RAD54L2: variants seen among roughly 807,000 people sequenced by gnomAD.
The protein encoded by RAD54L2 is RAD54 like 2, also known as helicase ARIP4.
In RAD54L2, 27 loss-of-function variants were observed where a neutral mutation model predicts 138.4. The ratio of observed to expected loss-of-function variants is 0.20; its 90% CI spans 0.14 to 0.27. The LOEUF (loss-of-function observed/expected upper bound fraction) is 0.27, where lower values mean the gene tolerates loss of function less well. Among genes scored for constraint, RAD54L2 ranks in the 10% least tolerant of loss-of-function variants. The pLI, the probability that RAD54L2 is intolerant of heterozygous loss-of-function variation, is 1.00. For missense variants in RAD54L2, 1,396 were observed against 1,890.2 expected, an observed-to-expected ratio of 0.74 and a Z score of 4.85; for synonymous variants, 644 against 723.2, an observed-to-expected ratio of 0.89 and a Z score of 1.76.
At chr3:51,656,979 C>T (rs2106847935) in intron 20 of RAD54L2, among the ~76,000 whole-genome samples, 2 of 152,242 alleles carry the variant, frequency 1.3e-5, no homozygotes, top group African/African-American at 4.8e-5. Context: ...TCAGGCAATC[C>T]ACCCGCCTTG....
rs551392488 is a variant in RAD54L2, at chr3:51,554,636, A to G, written c.-55+12986A>G. ...TCTGCAAAGCCATCGTTTGTGGTGGAAAATTTGCATCTGTAAAGAATCTCT... is the reference window on the plus strand; with the variant it reads ...TCTGCAAAGCCATCGTTTGTGGTGGGAAATTTGCATCTGTAAAGAATCTCT... On this transcript the variant is annotated intron_variant, in intron 2 of 22. Transcript: ENST00000684192. Among the ~76,000 whole-genome samples the G allele has an allele frequency of 2.0e-5, 3 of 152,304 alleles. No homozygotes were observed. The South Asian group carries it at 6.2e-4, about 32-fold the overall frequency.
intron 3 of RAD54L2, among the ~76,000 whole-genome samples, chr3:51,602,427 C>T (rs1201209177): frequency 7.2e-5 from 11 of 152,164 alleles, no homozygotes; most frequent in Admixed American, 7.2e-4. Flanking sequence ...CGTGACTACT[C>T]TCCAGCCCAC....
chr3:51,583,654 C>G lies in RAD54L2; in HGVS notation c.-54-6713C>G, dbSNP rs756237946. ...GTTAGTCAGGCTGATCTTGAACTCCCGACCTCAGGTGATCTGCCCGCCTCG... is the reference window on the plus strand; with the variant it reads ...GTTAGTCAGGCTGATCTTGAACTCCGGACCTCAGGTGATCTGCCCGCCTCG... On this transcript the variant is annotated intron_variant, in intron 2 of 22. Coordinates refer to ENST00000684192, the MANE Select transcript of RAD54L2 (RefSeq NM_015106.4). Among the ~76,000 whole-genome samples the G allele has an allele frequency of 1.0e-4, 15 of 150,362 alleles. 1 individual carries two copies. Among genetic ancestry groups the G allele is most frequent in the Non-Finnish European group, 1.8e-4 (12 of 67,656 alleles).
At chr3:51,648,113 G>C (rs920483934) in intron 19 of RAD54L2, among the ~76,000 whole-genome samples, 1 of 152,168 alleles carries the variant, frequency 6.6e-6, no homozygotes, top group Admixed American at 6.5e-5. Context: ...CTTTTCCAAC[G>C]GTCTTAGCAA....
At chr3:51,555,420 A>G (rs550820069) in intron 2 of RAD54L2, among the ~76,000 whole-genome samples, 68 of 151,830 alleles carry the variant, frequency 4.5e-4, no homozygotes, top group Non-Finnish European at 8.7e-4. Context: ...GGAGACCAGC[A>G]TGGCCAATAT....
chr3:51,626,720 C>T (rs767302935), intron 3 of RAD54L2, among the ~76,000 whole-genome samples: 3 of 151,984 alleles, frequency 2.0e-5, no homozygotes, highest in African/African-American at 4.8e-5. Flanking sequence ...GTTGGGATTA[C>T]AGGCATGAGC....
At chr3:51,547,137 A>G (rs1313971038) in intron 2 of RAD54L2, among the ~76,000 whole-genome samples, 1 of 152,144 alleles carries the variant, frequency 6.6e-6, no homozygotes, top group Non-Finnish European at 1.5e-5. Context: ...GCTTGACCCC[A>G]GGAGTTTAAG....
chr3:51,551,349 T>C (rs1698832251), intron 2 of RAD54L2, among the ~76,000 whole-genome samples: 1 of 152,062 alleles, frequency 6.6e-6, no homozygotes, highest in African/African-American at 2.4e-5. Flanking sequence ...CCCAGGCTGG[T>C]CTTGAACTCC....
intron 2 of RAD54L2, among the ~76,000 whole-genome samples, chr3:51,556,324 G>A (rs541323922): frequency 2.6e-5 from 4 of 152,106 alleles, no homozygotes; most frequent in Non-Finnish European, 5.9e-5. Context: ...CACCCAGGCT[G>A]TAGTGCAGTG....
At chr3:51,660,772 C>T (rs747391049) in intron 22 of RAD54L2, among the ~76,000 whole-genome samples, 8 of 151,772 alleles carry the variant, frequency 5.3e-5, no homozygotes, top group African/African-American at 7.3e-5. Context: ...CAGAAGCATG[C>T]CACCACGCCC....
chr3:51,626,854 T>C (rs1439127705), intron 3 of RAD54L2, among the ~76,000 whole-genome samples: 1 of 152,168 alleles, frequency 6.6e-6, no homozygotes, highest in Non-Finnish European at 1.5e-5. Context: ...TGTATTAGTA[T>C]CTTTCAAATT....
intron 2 of RAD54L2, among the ~76,000 whole-genome samples, chr3:51,568,487 C>A (rs776292254): frequency 1.3e-5 from 2 of 152,058 alleles, no homozygotes; most frequent in African/African-American, 2.4e-5. Flanking sequence ...GAGTCTTTGT[C>A]CTTGAGATTT....
At chr3:51,646,583 A>C (rs1389182833) in intron 19 of RAD54L2, 102 bp downstream of exon 19, 18 of 1,211,106 alleles carry the variant, frequency 1.5e-5, no homozygotes, top group Non-Finnish European at 2.0e-5. Context: ...TTGTTCCTTG[A>C]CTGCTGTGAA....
At chr3:51,629,056 C>A (rs111501518) in intron 4 of RAD54L2, among the ~76,000 whole-genome samples, 4,389 of 152,170 alleles carry the variant, frequency 0.029, 92 homozygotes, top group Non-Finnish European at 0.039. Context: ...CTTTGTGAAT[C>A]AAATATTACT....
Position 51,590,635 on chromosome 3 carries a change from G to A in RAD54L2, c.139+76G>A, listed in dbSNP as rs201077296. On this transcript the variant is annotated intron_variant, in intron 3 of 22. Transcript: ENST00000684192. The stretch of plus-strand genomic sequence containing the variant: ...GGAATTTTTGCTGGGAGACCTTGGC[G>A]TTTCCAGTTAGATTTCTTAGGCCAT... 240 of 1,547,418 alleles carry A rather than the reference G, an allele frequency of 1.6e-4. 1 individual carries two copies. Among genetic ancestry groups the A allele is most frequent in the Middle Eastern group, 5.0e-4 (3 of 5,986 alleles).
chr3:51,562,265 CTT>C (rs1221511315), intron 2 of RAD54L2, among the ~76,000 whole-genome samples: 1 of 142,786 alleles, frequency 7.0e-6, no homozygotes, highest in Non-Finnish European at 1.5e-5. Flanking sequence ...GAGTCTTGCT[CTT>C]GTTGCCCAGG....
intron 15 of RAD54L2, among the ~76,000 whole-genome samples, chr3:51,642,481 C>T (rs577813274): frequency 1.1e-4 from 16 of 151,772 alleles, no homozygotes; most frequent in Non-Finnish European, 2.2e-4. Context: ...AAAGTCATTC[C>T]TTAGTGGGGT....
intron 2 of RAD54L2, among the ~76,000 whole-genome samples, chr3:51,542,763 A>G (rs1423407549): frequency 1.3e-5 from 2 of 152,120 alleles, no homozygotes; most frequent in Non-Finnish European, 2.9e-5. Context: ...GCGCCTGGCC[A>G]AGGTTGTCTT....
At position 51,629,330 on chromosome 3, in the gene RAD54L2, T is replaced by G; in HGVS notation, c.342-4T>G. 6.3e-7 allele frequency: 1 copy of G among 1,581,138 alleles called. No homozygotes were observed. The highest frequency in any genetic ancestry group is 1.3e-5 in the African/African-American group (1 of 74,334). On this transcript the variant is annotated splice_polypyrimidine_tract_variant and splice_region_variant and intron_variant, in intron 4 of 22. Coordinates refer to ENST00000684192, the MANE Select transcript of RAD54L2 (RefSeq NM_015106.4). ...CAAGTGCTGTCTCTTATGTGAATGTTTAGAAAGCTACTCCGGGAGGATCAA... is the reference window on the plus strand; with the variant it reads ...CAAGTGCTGTCTCTTATGTGAATGTGTAGAAAGCTACTCCGGGAGGATCAA...
Sources: gnomAD v4.1 joint callset for allele counts (sites outside exome capture counted in the v4.1 genomes callset) on GRCh38, gnomAD v4.1.1 for gene constraint, MANE v1.5 for transcripts, NCBI Gene and HGNC (gene_info 2026-07-23, HGNC 2026-07-21) for gene names.